Variants in NELL1 observed in about 807,000 individuals in gnomAD.
The protein encoded by NELL1 is neural EGFL like 1, also known as protein kinase C-binding protein NELL1.
A neutral mutation model predicts 107.4 loss-of-function variants in NELL1; 76 were observed. The ratio of observed to expected loss-of-function variants is 0.71; its 90% CI spans 0.59 to 0.86. The LOEUF (loss-of-function observed/expected upper bound fraction) is 0.86. Ranked by LOEUF, NELL1 falls within the 40% of genes least tolerant of loss-of-function variation. The pLI is 0.00. For missense variants in NELL1, 1,024 were observed against 1,005.5 expected (o/e 1.02, Z -0.25); for synonymous variants, 353 against 341.2 (o/e 1.03, Z -0.38).
intron 13 of NELL1, among the ~76,000 whole-genome samples, chr11:21,114,373 C>G (rs1855181432): frequency 6.6e-6 from 1 of 151,880 alleles, no homozygotes; most frequent in African/African-American, 2.4e-5. Context: ...AGTTTTTCTT[C>G]TCTTGGACCA....
At chr11:21,516,118 C>T (rs1394627206) in intron 15 of NELL1, among the ~76,000 whole-genome samples, 1 of 152,110 alleles carries the variant, frequency 6.6e-6, no homozygotes, top group East Asian at 1.9e-4. Flanking sequence ...GAGTGTTTGG[C>T]ATTAGACAGA....
rs1850791953 is a variant in NELL1 at position 20,939,026 on chromosome 11, G to T, written c.1071+1167G>T. ...CCAAAGGTCACTGTGATTGCAATGG[G>T]AGGAGTGATTGGAGGAGCACCAGAT... On this transcript the variant is annotated intron_variant, in intron 10 of 19. Coordinates refer to ENST00000357134, the MANE Select transcript of NELL1 (RefSeq NM_006157.5). Among the ~76,000 whole-genome samples the T allele has an allele frequency of 2.0e-5, 3 of 152,056 alleles. No homozygotes were observed. The South Asian group carries it at 6.2e-4, about 32-fold the overall frequency.
chr11:21,211,864 C>T (rs1157514635), intron 13 of NELL1, among the ~76,000 whole-genome samples: 2 of 152,000 alleles, frequency 1.3e-5, no homozygotes, highest in South Asian at 2.1e-4. Context: ...CTCTCTCTGT[C>T]GCCTAGGCTG....
intron 16 of NELL1, among the ~76,000 whole-genome samples, chr11:21,536,126 T>C (rs1216260274): frequency 6.6e-6 from 1 of 152,134 alleles, no homozygotes; most frequent in Admixed American, 6.6e-5. Context: ...TACTTTTAAG[T>C]TCAAGGGATT....
At chr11:21,256,081 A>G (rs1565133070) in intron 14 of NELL1, among the ~76,000 whole-genome samples, 1 of 151,962 alleles carries the variant, frequency 6.6e-6, no homozygotes, top group Non-Finnish European at 1.5e-5. Context: ...AACAGACCTA[A>G]TATCTTTCTT....
chr11:21,239,380 A>G (rs80179443), intron 14 of NELL1, among the ~76,000 whole-genome samples: 2,705 of 152,114 alleles, frequency 0.018, 49 homozygotes, highest in South Asian at 0.065. Flanking sequence ...AAAAATAAAA[A>G]TCAATAATTC....
intron 15 of NELL1, among the ~76,000 whole-genome samples, chr11:21,472,701 C>G (rs1371488894): frequency 6.6e-6 from 1 of 151,802 alleles, no homozygotes; most frequent in Non-Finnish European, 1.5e-5. Context: ...TTTCCTTGGC[C>G]AGCCTGGGAA....
chr11:21,113,647 C>A lies in NELL1; in HGVS notation c.1359C>A (p.Asn453Lys). ...GTCATGCCAATACTGTGTGTGTCAA[C>A]CTTCCTGGGTTATATCGCTGTGACT... ...HYCHANTVCV[N>K]LPGLYRCDCV... The change falls in exon 13 of 20, where the codon AAC becomes AAA. Residue 453 changes from asparagine (N) to lysine (K), a missense_variant. Asn to Lys is a moderately conservative substitution (Grantham distance 94, BLOSUM62 0). Transcript: ENST00000357134. The A allele has an allele frequency of 6.2e-7, 1 of 1,612,204 alleles. No individual in the cohort carries two copies. Among genetic ancestry groups the A allele is most frequent in the Non-Finnish European group, 8.5e-7 (1 of 1,178,738 alleles).
intron 2 of NELL1, among the ~76,000 whole-genome samples, chr11:20,716,418 A>C (rs1855251700): frequency 6.6e-6 from 1 of 152,182 alleles, no homozygotes; most frequent in African/African-American, 2.4e-5. Flanking sequence ...ACATCTTCAC[A>C]TTTTTTCATA....
At chr11:20,782,695 G>A (rs374732247) in intron 2 of NELL1, among the ~76,000 whole-genome samples, 1 of 152,200 alleles carries the variant, frequency 6.6e-6, no homozygotes, top group African/African-American at 2.4e-5. Context: ...TAGTTATCTT[G>A]CAGTCAGAGG....
intron 16 of NELL1, among the ~76,000 whole-genome samples, chr11:21,543,029 T>A (rs1013564041): frequency 2.6e-5 from 4 of 152,000 alleles, no homozygotes; most frequent in African/African-American, 9.7e-5. Flanking sequence ...AAGAGACATG[T>A]CAGGGTGGAA....
intron 10 of NELL1, 100 bp from the exon 11 acceptor site, chr11:20,947,236 T>A: frequency 1.3e-6 from 1 of 742,340 alleles, no homozygotes; most frequent in Non-Finnish European, 2.4e-6. Flanking sequence ...AATTATTGTA[T>A]GTTGTTATCA....
At chr11:20,800,817 G>A (rs568205905) in intron 3 of NELL1, among the ~76,000 whole-genome samples, 3 of 152,324 alleles carry the variant, frequency 2.0e-5, no homozygotes, top group Admixed American at 1.3e-4. Context: ...TGGGGCTGAT[G>A]ATATTGAGAG....
intron 3 of NELL1, among the ~76,000 whole-genome samples, chr11:20,798,474 C>T (rs1015318671): frequency 2.0e-5 from 3 of 151,138 alleles, no homozygotes; most frequent in Non-Finnish European, 4.4e-5. Context: ...TGCATAAAAT[C>T]ATTTAAGCTC....
chr11:20,699,077 C>T (rs1854699741), intron 2 of NELL1, among the ~76,000 whole-genome samples: 1 of 151,906 alleles, frequency 6.6e-6, no homozygotes, highest in Non-Finnish European at 1.5e-5. Context: ...ATTAGCTGGG[C>T]ATGGTGGCGC....
intron 12 of NELL1, among the ~76,000 whole-genome samples, chr11:21,062,662 C>T (rs1853769936): frequency 6.6e-6 from 1 of 152,134 alleles, no homozygotes. Context: ...CTAAAGGGCA[C>T]ATTCCACGGC....
chr11:20,827,205 C>T (rs1857903664), intron 3 of NELL1, among the ~76,000 whole-genome samples: 1 of 151,198 alleles, frequency 6.6e-6, no homozygotes, highest in Non-Finnish European at 1.5e-5. Context: ...CCCCCTTATA[C>T]TATGATTGGA....
At chr11:20,863,266 C>T (rs1310299747) in intron 4 of NELL1, among the ~76,000 whole-genome samples, 25 of 143,638 alleles carry the variant, frequency 1.7e-4, no homozygotes, top group African/African-American at 6.3e-4. Flanking sequence ...GCTGGCTGGG[C>T]GGGGGCTGAC....
intron 15 of NELL1, among the ~76,000 whole-genome samples, chr11:21,436,497 T>C (rs1328306479): frequency 6.6e-6 from 1 of 152,222 alleles, no homozygotes; most frequent in Non-Finnish European, 1.5e-5. Context: ...ATGTCTCTTA[T>C]TTCATTTCTG....
Sources: allele counts gnomAD v4.1 joint callset (sites outside exome capture counted in the v4.1 genomes callset), GRCh38; gene constraint gnomAD v4.1.1; transcripts MANE v1.5; gene names NCBI Gene and HGNC (gene_info 2026-07-23, HGNC 2026-07-21).